PAPPA2: variants seen among roughly 807,000 people sequenced by gnomAD.
PAPPA2 encodes the protein pappalysin 2.
In PAPPA2, 86 loss-of-function variants were observed where a neutral mutation model predicts 176.4. The observed-to-expected ratio is 0.49, with a 90% confidence interval of 0.41 to 0.58. PAPPA2 has a LOEUF of 0.58. Ranked by LOEUF, PAPPA2 falls within the 20% of genes least tolerant of loss-of-function variation. PAPPA2 has a pLI of 0.00. For synonymous variants in PAPPA2, 809 were observed against 852.2 expected, an observed-to-expected ratio of 0.95 and a Z score of 0.88; for missense variants, 2,073 against 2,256.9, an observed-to-expected ratio of 0.92 and a Z score of 1.65.
intron 3 of PAPPA2, among the ~76,000 whole-genome samples, chr1:176,599,415 C>T (rs1654174882): frequency 6.6e-6 from 1 of 151,406 alleles, no homozygotes; most frequent in South Asian, 2.1e-4. Context: ...TTTCTCTGTT[C>T]TCTTTGTTAC....
chr1:176,534,625 A>G (rs1339033806), intron 1 of PAPPA2, among the ~76,000 whole-genome samples: 1 of 152,236 alleles, frequency 6.6e-6, no homozygotes, highest in Non-Finnish European at 1.5e-5. Context: ...GAAAGCCAAT[A>G]TCAACATGAG....
At chr1:176,640,356 C>T (rs1657000985) in intron 3 of PAPPA2, among the ~76,000 whole-genome samples, 1 of 116,934 alleles carries the variant, frequency 8.6e-6, no homozygotes, top group African/African-American at 3.2e-5. Flanking sequence ...CCCCACCCCA[C>T]AACAGTCCCC....
chr1:176,644,751 T>C (rs1393537984), intron 3 of PAPPA2, among the ~76,000 whole-genome samples: 1 of 151,750 alleles, frequency 6.6e-6, no homozygotes, highest in Non-Finnish European at 1.5e-5. Flanking sequence ...AAATCTAGAC[T>C]CAAAGATTGG....
In PAPPA2 at chr1:176,791,423, C is replaced by A; in HGVS notation, c.4961C>A (p.Pro1654Gln). The A allele has an allele frequency of 6.2e-7, 1 of 1,613,652 alleles. No homozygotes were observed. The highest frequency in any genetic ancestry group is 8.5e-7 in the Non-Finnish European group (1 of 1,179,686). The change falls in exon 19 of 23, where the codon CCA becomes CAA. Residue 1654 changes from proline (P) to glutamine (Q), a missense_variant. Coordinates refer to ENST00000367662, the MANE Select transcript of PAPPA2 (RefSeq NM_020318.3). ...KLCENLQGEC[P>Q]PPPSELNSVE... is the part of the protein sequence containing the mutation. ...TGTGAGAATCTGCAAGGAGAATGCC[C>A]ACCACCCCCCTCAGAGCTGAATTCT...
chr1:176,744,841 A>G (rs1168712033), intron 14 of PAPPA2, among the ~76,000 whole-genome samples: 1 of 152,086 alleles, frequency 6.6e-6, no homozygotes, highest in Non-Finnish European at 1.5e-5. Flanking sequence ...ATCCTTACAG[A>G]TTTTGGTTGC....
chr1:176,787,441 G>T (rs559781503), intron 17 of PAPPA2, among the ~76,000 whole-genome samples: 1 of 152,070 alleles, frequency 6.6e-6, no homozygotes, highest in Admixed American at 6.5e-5. Flanking sequence ...TTGCCATGTT[G>T]CCCAGGCTAG....
At chr1:176,580,032 T>C (rs1652872154) in intron 2 of PAPPA2, among the ~76,000 whole-genome samples, 2 of 152,214 alleles carry the variant, frequency 1.3e-5, no homozygotes, top group Non-Finnish European at 2.9e-5. Flanking sequence ...TCTTCTCTTC[T>C]AGCTATTAAA....
intron 12 of PAPPA2, 79 bp downstream of exon 12, chr1:176,712,060 A>T: frequency 7.0e-7 from 1 of 1,432,752 alleles, no homozygotes; most frequent in Non-Finnish European, 9.5e-7. Context: ...TGTGTGTGTA[A>T]ATGGTGCATT....
At chr1:176,773,297 T>TC in intron 17 of PAPPA2, among the ~76,000 whole-genome samples, 1 of 152,318 alleles carries the variant, frequency 6.6e-6, no homozygotes, top group East Asian at 1.9e-4. Flanking sequence ...CTGGCATAAA[T>TC]CACTGCCACT....
intron 19 of PAPPA2, among the ~76,000 whole-genome samples, chr1:176,792,210 C>T (rs943288401): frequency 5.9e-5 from 9 of 152,152 alleles, no homozygotes; most frequent in Non-Finnish European, 1.0e-4. Flanking sequence ...TAAAGGTCTT[C>T]GTGGCCAGAG....
At chr1:176,834,526 G>C (rs1028404507) in intron 21 of PAPPA2, among the ~76,000 whole-genome samples, 1 of 152,192 alleles carries the variant, frequency 6.6e-6, no homozygotes, top group African/African-American at 2.4e-5. Flanking sequence ...TGGGCTGTAG[G>C]CATATGTTGA....
chr1:176,579,971 A>T (rs950769629), intron 2 of PAPPA2, among the ~76,000 whole-genome samples: 1 of 152,202 alleles, frequency 6.6e-6, no homozygotes, highest in Non-Finnish European at 1.5e-5. Flanking sequence ...AGTAATTAGC[A>T]TTTCCTTCAT....
intron 4 of PAPPA2, among the ~76,000 whole-genome samples, chr1:176,672,712 A>G (rs1659080914): frequency 6.6e-6 from 1 of 152,236 alleles, no homozygotes; most frequent in African/African-American, 2.4e-5. Flanking sequence ...ATGTATATAT[A>G]CACATATATG....
At chr1:176,795,808 G>A (rs1015421244) in intron 20 of PAPPA2, among the ~76,000 whole-genome samples, 1 of 152,126 alleles carries the variant, frequency 6.6e-6, no homozygotes, top group South Asian at 2.1e-4. Context: ...CATGAAATAG[G>A]TTTGCAAAGA....
intron 2 of PAPPA2, among the ~76,000 whole-genome samples, chr1:176,587,719 G>T (rs184749087): frequency 1.3e-5 from 2 of 152,126 alleles, no homozygotes; most frequent in African/African-American, 4.8e-5. Context: ...GTCAGGTAGC[G>T]TGATGCCTCC....
chr1:176,575,986 G>T (rs1652618415), intron 2 of PAPPA2, among the ~76,000 whole-genome samples: 1 of 151,950 alleles, frequency 6.6e-6, no homozygotes, highest in Non-Finnish European at 1.5e-5. Flanking sequence ...TTAATGGTAG[G>T]GTAGTATTCC....
intron 7 of PAPPA2, 52 bp downstream of exon 7, chr1:176,695,911 G>C: frequency 6.2e-7 from 1 of 1,602,490 alleles, no homozygotes; most frequent in Non-Finnish European, 8.5e-7. Flanking sequence ...CTGAGGATGG[G>C]GGTGGAGGTA....
intron 3 of PAPPA2, among the ~76,000 whole-genome samples, chr1:176,630,711 G>A (rs1180726144): frequency 2.0e-5 from 3 of 152,316 alleles, no homozygotes; most frequent in Middle Eastern, 3.4e-3. Flanking sequence ...CTCTGATAGA[G>A]GGTCTGATAG....
intron 21 of PAPPA2, among the ~76,000 whole-genome samples, chr1:176,815,217 A>G (rs1320476655): frequency 6.6e-6 from 1 of 152,210 alleles, no homozygotes; most frequent in African/African-American, 2.4e-5. Flanking sequence ...TGTAAATTGC[A>G]GCAAACAGCA....
Sources: allele counts gnomAD v4.1 joint callset (sites outside exome capture counted in the v4.1 genomes callset), GRCh38; gene constraint gnomAD v4.1.1; transcripts MANE v1.5; gene names NCBI Gene and HGNC (gene_info 2026-07-23, HGNC 2026-07-21).